Variants in KAT2B observed in about 807,000 individuals in gnomAD.
KAT2B encodes the protein histone acetyltransferase KAT2B.
In KAT2B, 36 loss-of-function variants were observed where a neutral mutation model predicts 105.9. That is an observed-to-expected ratio of 0.34 (90% confidence interval 0.26 to 0.45). KAT2B has a LOEUF of 0.45. KAT2B is among the 20% of genes least tolerant of loss of function. KAT2B has a pLI of 1.00. For missense variants in KAT2B, 820 were observed against 1,021.6 expected (o/e 0.80, Z 2.69); for synonymous variants, 397 against 377.9 (o/e 1.05, Z -0.59).
At position 20,099,809 on chromosome 3, in the gene KAT2B, T is replaced by G. The variant is rs11128939; in HGVS notation, c.577-53T>G. On this transcript the variant is annotated intron_variant, in intron 3 of 17. Transcript: ENST00000263754. ...AAACAGAAGAGAGAGGAGAGAGAGA[T>G]AGACATACCAATTAAGTTTTTCTTT... The G allele has an allele frequency of 0.37, 322,804 of 870,218 alleles. 63,192 individuals carry two copies. Among genetic ancestry groups the G allele is most frequent in the East Asian group, 0.64 (25,830 of 40,246 alleles). The allele number at this position is 870,218 out of a possible 1,614,324, so 53.9% of individuals were successfully genotyped here. A position where few individuals can be genotyped will look rare whatever the true frequency, so the allele number is the denominator to read the frequency against.
intron 1 of KAT2B, among the ~76,000 whole-genome samples, chr3:20,062,309 A>ATGTAT (rs1553645399): frequency 2.5e-5 from 2 of 81,356 alleles, no homozygotes; most frequent in African/African-American, 9.9e-5. Flanking sequence ...ATAAAATATA[A>ATGTAT]TATATATAAA....
At chr3:20,049,011 G>A (rs1271336591) in intron 1 of KAT2B, among the ~76,000 whole-genome samples, 1 of 146,840 alleles carries the variant, frequency 6.8e-6, no homozygotes, top group Non-Finnish European at 1.5e-5. Flanking sequence ...ACAGGCCCCC[G>A]CCACCACGCC....
At chr3:20,071,308 G>C (rs1343781646) in intron 1 of KAT2B, among the ~76,000 whole-genome samples, 1 of 152,188 alleles carries the variant, frequency 6.6e-6, no homozygotes, top group Non-Finnish European at 1.5e-5. Context: ...CTCTACCCTA[G>C]AGTGACTTCA....
At chr3:20,053,979 G>A (rs943938406) in intron 1 of KAT2B, among the ~76,000 whole-genome samples, 6 of 152,012 alleles carry the variant, frequency 3.9e-5, no homozygotes, top group African/African-American at 1.4e-4. Context: ...TGTATTTTTA[G>A]TAGAGATGGG....
At chr3:20,126,595 G>A (rs1699408880) in intron 10 of KAT2B, among the ~76,000 whole-genome samples, 2 of 151,784 alleles carry the variant, frequency 1.3e-5, no homozygotes, top group Admixed American at 1.3e-4. Flanking sequence ...GGCTGAGGTG[G>A]GAGGATCACC....
rs56780132 is a variant in KAT2B at position 20,141,369 on chromosome 3, G to GA, written c.2004+1015dup. 1.8e-4 allele frequency among the ~76,000 whole-genome samples: 27 copies of GA among 148,954 alleles called. 1 individual carries two copies. The highest frequency in any genetic ancestry group is 5.3e-4 in the Admixed American group (8 of 15,018). On this transcript the variant is annotated intron_variant, in intron 13 of 17. Coordinates refer to ENST00000263754, the MANE Select transcript of KAT2B (RefSeq NM_003884.5). ...TAATAATTTCAAATTTTCTAAGGCA[G>GA]AAAAAAAAAACACTCATGATGAAAA... is the stretch of plus-strand genomic sequence containing the variant.
chr3:20,151,081 G>C (rs1699861303), intron 17 of KAT2B, among the ~76,000 whole-genome samples: 1 of 152,176 alleles, frequency 6.6e-6, no homozygotes, highest in African/African-American at 2.4e-5. Flanking sequence ...GGGACATTTA[G>C]TGTGAGATTT....
At chr3:20,095,165 G>A in intron 2 of KAT2B, 98 bp from the exon 3 acceptor site, 1 of 935,330 alleles carries the variant, frequency 1.1e-6, no homozygotes, top group South Asian at 1.7e-5. Flanking sequence ...TTAAAGGATT[G>A]ATGGTAAGAC....
chr3:20,102,376 A>C (rs1698926162), intron 5 of KAT2B, among the ~76,000 whole-genome samples: 1 of 152,188 alleles, frequency 6.6e-6, no homozygotes, highest in South Asian at 2.1e-4. Flanking sequence ...ATCATTATAC[A>C]TATTATCTTC....
intron 2 of KAT2B, among the ~76,000 whole-genome samples, chr3:20,093,542 C>A (rs541567974): frequency 6.6e-6 from 1 of 152,232 alleles, no homozygotes. Context: ...ATCCTCTATC[C>A]CAGGCTTCTG....
chr3:20,040,950 C>G (rs1000097472), intron 1 of KAT2B, among the ~76,000 whole-genome samples, 170 bp downstream of exon 1: 1 of 152,152 alleles, frequency 6.6e-6, no homozygotes, highest in African/African-American at 2.4e-5. Context: ...TTAGCTTCTT[C>G]TTGGATAAGA....
chr3:20,083,758 G>A (rs1698563198), intron 2 of KAT2B, among the ~76,000 whole-genome samples: 1 of 152,212 alleles, frequency 6.6e-6, no homozygotes. Context: ...GCTCAGTGGA[G>A]TCTGGTGGCT....
chr3:20,080,805 A>G (rs2125187009), intron 2 of KAT2B, among the ~76,000 whole-genome samples: 1 of 152,380 alleles, frequency 6.6e-6, no homozygotes, highest in South Asian at 2.1e-4. Flanking sequence ...GAATGTAAAT[A>G]GTAACTTTTA....
At chr3:20,091,011 T>G (rs981455329) in intron 2 of KAT2B, among the ~76,000 whole-genome samples, 1 of 152,146 alleles carries the variant, frequency 6.6e-6, no homozygotes, top group African/African-American at 2.4e-5. Flanking sequence ...CTCAGCCTCC[T>G]GAAGTGCTGG....
In KAT2B at chr3:20,146,316, A is replaced by T; in HGVS notation, c.2005A>T (p.Ile669Leu). 6.4e-7 allele frequency: 1 copy of T among 1,561,062 alleles called. No individual in the cohort carries two copies. Among genetic ancestry groups the T allele is most frequent in the Non-Finnish European group, 8.8e-7 (1 of 1,132,124 alleles). Reference protein sequence around the residue: ...FSVIIKKQKEIIKKLIERKQA... With the variant: ...FSVIIKKQKELIKKLIERKQA... ...CACATTTCCTTCCTGTGCTTTACAG[A>T]TAATTAAAAAACTGATTGAAAGAAA... The change falls in exon 14 of 18, where the codon ATA (isoleucine) becomes TTA (leucine). Residue 669 changes from isoleucine (I) to leucine (L), a missense_variant and splice_region_variant. By Grantham distance (5) the Ile-to-Leu change is conservative. Transcript: ENST00000263754.
At chr3:20,046,962 G>A (rs1697822146) in intron 1 of KAT2B, among the ~76,000 whole-genome samples, 1 of 152,110 alleles carries the variant, frequency 6.6e-6, no homozygotes, top group Admixed American at 6.6e-5. Context: ...TCCCCCCAAC[G>A]AATGATTATC....
intron 1 of KAT2B, among the ~76,000 whole-genome samples, chr3:20,057,830 G>T (rs961567889): frequency 5.9e-5 from 9 of 152,160 alleles, no homozygotes; most frequent in Admixed American, 5.2e-4. Flanking sequence ...TCTTCAGAGA[G>T]CCTGCCAAGG....
chr3:20,084,258 C>T (rs983653111), intron 2 of KAT2B, among the ~76,000 whole-genome samples: 1 of 152,134 alleles, frequency 6.6e-6, no homozygotes, highest in East Asian at 1.9e-4. Context: ...AGCAGACTGT[C>T]CACTCCATCT....
At chr3:20,110,464 A>C (rs1304027701) in intron 5 of KAT2B, among the ~76,000 whole-genome samples, 1 of 151,940 alleles carries the variant, frequency 6.6e-6, no homozygotes, top group East Asian at 1.9e-4. Context: ...TTAGTCCAGG[A>C]GTTCGAGACA....
Sources: gnomAD v4.1 joint callset for allele counts (sites outside exome capture counted in the v4.1 genomes callset) on GRCh38, gnomAD v4.1.1 for gene constraint, MANE v1.5 for transcripts, NCBI Gene and HGNC (gene_info 2026-07-23, HGNC 2026-07-21) for gene names.